The following SOAT1 variants were observed in gnomAD, a reference collection of about 807,000 sequenced individuals.
SOAT1 encodes acyl-coenzyme A:cholesterol acyltransferase 1.
In SOAT1, 55 loss-of-function variants were observed where a neutral mutation model predicts 69.5. That is an observed-to-expected ratio of 0.79 (90% CI 0.64 to 0.99). The LOEUF (loss-of-function observed/expected upper bound fraction) is 0.99, where lower values mean the gene tolerates loss of function less well. SOAT1 is among the 50% of genes least tolerant of loss of function. The pLI, the probability that SOAT1 is intolerant of heterozygous loss-of-function variation, is 0.00. For synonymous variants in SOAT1, 231 were observed against 224.7 expected (o/e 1.03, Z -0.25); for missense variants, 580 against 669.3 (o/e 0.87, Z 1.47).
At chr1:179,346,214 C>A in intron 11 of SOAT1, among the ~76,000 whole-genome samples, 1 of 152,120 alleles carries the variant, frequency 6.6e-6, no homozygotes, top group East Asian at 1.9e-4. Flanking sequence ...ACTTGAGTGT[C>A]TTCCTCACTA....
At chr1:179,306,990 A>G (rs1665031036) in intron 2 of SOAT1, among the ~76,000 whole-genome samples, 1 of 152,226 alleles carries the variant, frequency 6.6e-6, no homozygotes, top group African/African-American at 2.4e-5. Flanking sequence ...AACTTCTGGC[A>G]CTAAAAATAG....
chr1:179,327,724 G>A (rs1665838259), intron 3 of SOAT1, among the ~76,000 whole-genome samples: 1 of 152,180 alleles, frequency 6.6e-6, no homozygotes, highest in Non-Finnish European at 1.5e-5. Context: ...AGTTAGATGT[G>A]TAGATAGAGG....
intron 2 of SOAT1, among the ~76,000 whole-genome samples, chr1:179,316,306 C>T (rs371437211): frequency 1.3e-5 from 2 of 150,890 alleles, no homozygotes; most frequent in African/African-American, 4.9e-5. Flanking sequence ...GCAGTACTTG[C>T]GTAGTTGATA....
intron 15 of SOAT1, among the ~76,000 whole-genome samples, chr1:179,352,515 C>T (rs191071735): frequency 7.7e-6 from 1 of 129,082 alleles, no homozygotes; most frequent in Non-Finnish European, 1.7e-5. Flanking sequence ...CTTAGAACAC[C>T]CCAAATGTCC....
chr1:179,338,542 A>C (rs1458375752), intron 5 of SOAT1, among the ~76,000 whole-genome samples: 1 of 152,204 alleles, frequency 6.6e-6, no homozygotes. Flanking sequence ...CTAAGCATGT[A>C]ATGTGCTGTT....
intron 12 of SOAT1, among the ~76,000 whole-genome samples, chr1:179,348,080 T>C (rs1400590932): frequency 1.3e-5 from 2 of 152,194 alleles, no homozygotes; most frequent in African/African-American, 4.8e-5. Context: ...TTTAAGACAA[T>C]TGAGCAGTTC....
intron 6 of SOAT1, among the ~76,000 whole-genome samples, chr1:179,339,864 AT>A (rs1395710100): frequency 2.6e-5 from 4 of 152,152 alleles, no homozygotes; most frequent in Non-Finnish European, 5.9e-5. Context: ...TATACACAGA[AT>A]TTTTTCAATC....
chr1:179,333,829 G>A (rs1166883889), intron 3 of SOAT1, among the ~76,000 whole-genome samples: 3 of 119,566 alleles, frequency 2.5e-5, no homozygotes, highest in Non-Finnish European at 5.6e-5. Context: ...GTGAAACTCC[G>A]TCTCAAAAAA....
intron 13 of SOAT1, among the ~76,000 whole-genome samples, chr1:179,349,328 A>ATTT (rs1666641691): frequency 3.3e-5 from 2 of 60,360 alleles, no homozygotes; most frequent in Non-Finnish European, 6.8e-5. Flanking sequence ...GTAGAGAAAC[A>ATTT]CTTTTTTTTT....
chr1:179,343,720 A>T, intron 10 of SOAT1, 85 bp downstream of exon 10: 2 of 957,906 alleles, frequency 2.1e-6, no homozygotes, highest in Non-Finnish European at 3.2e-6. Context: ...GTTAAATCTA[A>T]TTGGGAGCTA....
intron 2 of SOAT1, among the ~76,000 whole-genome samples, chr1:179,303,013 C>T (rs1257788002): frequency 6.6e-6 from 1 of 152,064 alleles, no homozygotes; most frequent in Non-Finnish European, 1.5e-5. Flanking sequence ...TTTTAGAGAC[C>T]ATTCATTCAG....
At chr1:179,313,353 G>A (rs1400964482) in intron 2 of SOAT1, among the ~76,000 whole-genome samples, 1 of 152,000 alleles carries the variant, frequency 6.6e-6, no homozygotes, top group Non-Finnish European at 1.5e-5. Flanking sequence ...GTCTGGTTGA[G>A]CACTTGAAAT....
intron 10 of SOAT1, among the ~76,000 whole-genome samples, chr1:179,344,333 G>A (rs1666444545): frequency 7.7e-6 from 1 of 129,468 alleles, no homozygotes; most frequent in African/African-American, 2.8e-5. Context: ...CATTTATGAA[G>A]TAAGTTCTTT....
At chr1:179,345,686 GACT>G (rs1303188630) in intron 11 of SOAT1, among the ~76,000 whole-genome samples, 5 of 151,972 alleles carry the variant, frequency 3.3e-5, no homozygotes, top group Non-Finnish European at 7.4e-5. Flanking sequence ...CAGTAGCTGG[GACT>G]ACAGGTGCAT....
chr1:179,302,595 T>C, intron 1 of SOAT1, 82 bp from the exon 2 acceptor site: 1 of 787,008 alleles, frequency 1.3e-6, no homozygotes. Context: ...ACCTCTTTCC[T>C]TTATAAATTA....
At chr1:179,339,414 G>A in intron 5 of SOAT1, 24 bp from the exon 6 acceptor site, 1 of 1,472,020 alleles carries the variant, frequency 6.8e-7, no homozygotes, top group African/African-American at 1.4e-5. Context: ...TTATTAACTT[G>A]TTTTGTTTGA....
chr1:179,349,728 A>G (rs1323470500), intron 13 of SOAT1, among the ~76,000 whole-genome samples: 2 of 152,154 alleles, frequency 1.3e-5, no homozygotes, highest in Non-Finnish European at 2.9e-5. Context: ...ATATACTTAG[A>G]CTGATGAGAT....
At position 179,344,352 on chromosome 1, in the gene SOAT1, GGTTTTTTTTTTTTTTT is replaced by G. The variant is rs1666449497; in HGVS notation, c.988-594_988-579del. On this transcript the variant is annotated intron_variant, in intron 10 of 15. Coordinates refer to ENST00000367619, the MANE Select transcript of SOAT1 (RefSeq NM_003101.6). The stretch of plus-strand genomic sequence containing the variant: ...TATGAAGTAAGTTCTTTCATTAAGG[GGTTTTTTTTTTTTTTT>G]TTTTTTTTTTTTTTTTTTTTTTTTG... Among the ~76,000 whole-genome samples, 19 of 120,562 alleles carry G rather than the reference GGTTTTTTTTTTTTTTT, an allele frequency of 1.6e-4. 1 individual carries two copies. Among genetic ancestry groups the G allele is most frequent in the Admixed American group, 3.5e-4 (4 of 11,360 alleles). The allele number at this position is 120,562 out of a possible 152,430, so 79.1% of individuals were successfully genotyped here. A position where few individuals can be genotyped will look rare whatever the true frequency, so the allele number is the denominator to read the frequency against.
In SOAT1 at chr1:179,335,616, C is replaced by A; in HGVS notation, c.288C>A (p.Thr96=). ...SLDNGGCALT[T]FSVLEGEKNN... is the part of the protein sequence containing the mutation. ...ATAATGGTGGGTGCGCTCTCACAAC[C>A]TTTTCTGTTCTTGAAGGAGAGAAAA... The change falls in exon 4 of 16, where the codon ACC becomes ACA. Residue 96 remains threonine, a synonymous_variant. Transcript: ENST00000367619. The A allele has an allele frequency of 1.2e-6, 2 of 1,613,710 alleles. No individual in the cohort carries two copies. Among genetic ancestry groups the A allele is most frequent in the South Asian group, 1.1e-5 (1 of 90,964 alleles).
Sources: gnomAD v4.1 joint callset for allele counts (sites outside exome capture counted in the v4.1 genomes callset) on GRCh38, gnomAD v4.1.1 for gene constraint, MANE v1.5 for transcripts, NCBI Gene and HGNC (gene_info 2026-07-23, HGNC 2026-07-21) for gene names.